The following MYO7B variants were observed in gnomAD, a reference collection of about 807,000 sequenced individuals.
MYO7B encodes unconventional myosin-VIIb.
In MYO7B, 212 loss-of-function variants were observed where a neutral mutation model predicts 259.7. That is an observed-to-expected ratio of 0.82 (90% confidence interval 0.73 to 0.91). MYO7B has a LOEUF of 0.91. Ranked by LOEUF, MYO7B falls within the 40% of genes least tolerant of loss-of-function variation. The probability of loss-of-function intolerance (pLI) is 0.00; values close to 1 mark genes in which losing one functional copy is unlikely to be tolerated. For synonymous variants in MYO7B, 1,197 were observed against 1,166.4 expected (o/e 1.03, Z -0.54); for missense variants, 2,732 against 2,813.5 (o/e 0.97, Z 0.66).
intron 20 of MYO7B, among the ~76,000 whole-genome samples, chr2:127,606,580 T>G (rs1276458201): frequency 6.6e-6 from 1 of 152,158 alleles, no homozygotes; most frequent in East Asian, 1.9e-4. Flanking sequence ...AACTGAGACA[T>G]AGAGGGGTTG....
intron 1 of MYO7B, among the ~76,000 whole-genome samples, chr2:127,540,548 C>G (rs964958318): frequency 6.6e-6 from 1 of 152,220 alleles, no homozygotes; most frequent in African/African-American, 2.4e-5. Context: ...AATATCCCTA[C>G]TGTTTTCCAT....
chr2:127,601,643 T>C (rs779471301), intron 19 of MYO7B, among the ~76,000 whole-genome samples: 5 of 152,328 alleles, frequency 3.3e-5, no homozygotes, highest in Non-Finnish European at 7.3e-5. Context: ...ACTATTTACA[T>C]GATCTATATT....
rs201458881 is a variant in MYO7B at position 127,608,713 on chromosome 2, G to T, written c.2649G>T (p.Pro883=). ...TTCCTCCACGGGGTATGCAGGCGCC[G>T]CTGGTCATCCCGGCCGAGGGGCAGA... ...RNFQQRKANA[P]LVIPAEGQKS... The change falls in exon 22 of 48, where the codon CCG becomes CCT. Residue 883 remains proline (P), a synonymous_variant. Transcript: ENST00000409816. The T allele has an allele frequency of 4.3e-6, 7 of 1,610,910 alleles. No individual in the cohort carries two copies. In the African/African-American group the frequency reaches 9.3e-5, roughly 22 times the overall value.
intron 1 of MYO7B, among the ~76,000 whole-genome samples, chr2:127,537,020 CA>C (rs1692808374): frequency 6.6e-6 from 1 of 152,148 alleles, no homozygotes; most frequent in African/African-American, 2.4e-5. Flanking sequence ...TGTCAAAAGA[CA>C]AAATTATAAA....
chr2:127,617,092 A>C (rs1680598721), intron 26 of MYO7B, among the ~76,000 whole-genome samples: 2 of 152,228 alleles, frequency 1.3e-5, no homozygotes, highest in Non-Finnish European at 2.9e-5. Context: ...ATTGCAGAGC[A>C]ATGAAGCTCA....
intron 17 of MYO7B, 119 bp downstream of exon 17, chr2:127,593,065 G>C (rs949290592): frequency 1.5e-6 from 2 of 1,301,636 alleles, no homozygotes; most frequent in Non-Finnish European, 2.1e-6. Context: ...CCAGCCTTGC[G>C]ATGAGCCCTG....
rs1234828444 is a variant in MYO7B at position 127,577,760 on chromosome 2, C to T, written c.850-373C>T. ...CATGGCACGGTCACTGGCTCCCTGCCTGCCCCCCTGGATGCGCAGCACAGG... is the reference window on the plus strand; with the variant it reads ...CATGGCACGGTCACTGGCTCCCTGCTTGCCCCCCTGGATGCGCAGCACAGG... On this transcript the variant is annotated intron_variant, in intron 8 of 47. Coordinates refer to ENST00000409816, the MANE Select transcript of MYO7B (RefSeq NM_001393586.1). This position sits in a 1 kb window ranked among gnomAD's most constrained non-coding sequence, Gnocchi z 5.2. 6.6e-6 allele frequency among the ~76,000 whole-genome samples: 1 copy of T among 152,268 alleles called. No homozygotes were observed. Among genetic ancestry groups the T allele is most frequent in the Admixed American group, 6.5e-5 (1 of 15,288 alleles).
rs772789497 is a variant in MYO7B, at chr2:127,635,730, C to G, written c.5829C>G (p.Pro1943=). 1 of 1,601,814 alleles carries G rather than the reference C, an allele frequency of 6.2e-7. No individual in the cohort carries two copies. Residue 1943 remains proline (P), a synonymous_variant, in exon 44 of 48, where the codon CCC becomes CCG. Coordinates refer to ENST00000409816, the MANE Select transcript of MYO7B (RefSeq NM_001393586.1). ...GTGTGTCCATCACCCAGGAGCTGCCCAAGTACCTGCGCGGATTCCACAAGT... is the reference window on the plus strand; with the variant it reads ...GTGTGTCCATCACCCAGGAGCTGCCGAAGTACCTGCGCGGATTCCACAAGT... ...DTILHYHQEL[P]KYLRGFHKCS...
At chr2:127,593,321 G>A (rs1679640176) in intron 17 of MYO7B, among the ~76,000 whole-genome samples, 1 of 152,208 alleles carries the variant, frequency 6.6e-6, no homozygotes, top group South Asian at 2.1e-4. Flanking sequence ...CTGAGGCTGG[G>A]CCTGGCCTGG....
At chr2:127,588,264 C>T (rs539769310) in intron 14 of MYO7B, 128 bp from the exon 15 acceptor site, 21 of 1,060,058 alleles carry the variant, frequency 2.0e-5, no homozygotes, top group Admixed American at 4.6e-5. Context: ...AGAGCATGGC[C>T]GTAGTGGGGC....
rs899965517 is a variant in MYO7B at position 127,628,898 on chromosome 2, C to T, written c.4624+363C>T. ...GCACCCCATTATCCCATTTTACAGACGTGAGGCCAGAGGCCCAGAGATGGA... is the reference window on the plus strand; with the variant it reads ...GCACCCCATTATCCCATTTTACAGATGTGAGGCCAGAGGCCCAGAGATGGA... On this transcript the variant is annotated intron_variant, in intron 34 of 47. Coordinates refer to ENST00000409816, the MANE Select transcript of MYO7B (RefSeq NM_001393586.1). The surrounding 1 kb of genome is among the most constrained non-coding windows in gnomAD (Gnocchi z 4.8). 2.6e-5 allele frequency among the ~76,000 whole-genome samples: 4 copies of T among 152,226 alleles called. No homozygotes were observed. The highest frequency in any genetic ancestry group is 3.8e-4 in the East Asian group (2 of 5,198).
At chr2:127,631,105 G>A (rs545111192) in intron 36 of MYO7B, 101 bp from the exon 37 acceptor site, 2 of 1,442,982 alleles carry the variant, frequency 1.4e-6, no homozygotes, top group Non-Finnish European at 1.8e-6. Flanking sequence ...AGGGTGGGGT[G>A]CTCTGGCCCT....
At chr2:127,554,814 G>A (rs1318275456) in intron 1 of MYO7B, among the ~76,000 whole-genome samples, 1 of 152,096 alleles carries the variant, frequency 6.6e-6, no homozygotes, top group Non-Finnish European at 1.5e-5. Flanking sequence ...AATTAGGAGG[G>A]TGTATTTTTC....
chr2:127,633,591 A>T (rs932934229), intron 40 of MYO7B, among the ~76,000 whole-genome samples: 9 of 152,194 alleles, frequency 5.9e-5, no homozygotes, highest in Non-Finnish European at 1.3e-4. Flanking sequence ...ATCCAGGCCC[A>T]GGACACAGGA....
chr2:127,630,963 A>C (rs1221165818), intron 36 of MYO7B, 55 bp downstream of exon 36: 9 of 1,440,446 alleles, frequency 6.2e-6, no homozygotes, highest in Non-Finnish European at 6.5e-6. Flanking sequence ...GCCCCACCTC[A>C]CCTCATTGCA....
At chr2:127,591,951 G>C (rs1428847735) in intron 16 of MYO7B, among the ~76,000 whole-genome samples, 1 of 152,266 alleles carries the variant, frequency 6.6e-6, no homozygotes, top group Non-Finnish European at 1.5e-5. Flanking sequence ...CATCTCCAGG[G>C]AGGGAGAGAC....
intron 15 of MYO7B, among the ~76,000 whole-genome samples, chr2:127,589,194 A>G (rs1395418565): frequency 1.4e-4 from 14 of 98,476 alleles, no homozygotes; most frequent in Admixed American, 2.0e-4. Flanking sequence ...TGGATGGGTG[A>G]ATGGATGGGT....
chr2:127,629,969 A>G, intron 35 of MYO7B, 143 bp downstream of exon 35: 1 of 848,626 alleles, frequency 1.2e-6, no homozygotes, highest in Non-Finnish European at 1.6e-6. Flanking sequence ...AGCCCCCACC[A>G]TTCCTGCGGC....
chr2:127,574,027 C>A lies in MYO7B; in HGVS notation c.700C>A (p.Gln234Lys). 3.1e-6 allele frequency: 5 copies of A among 1,614,038 alleles called. No homozygotes were observed. Among genetic ancestry groups the A allele is most frequent in the Non-Finnish European group, 4.2e-6 (5 of 1,179,900 alleles). ...GGTGATCGAGGGCGCGCGCATCGAGCAATTTCTCCTGGAGAAGTCCCGGGT... is the reference window on the plus strand; with the variant it reads ...GGTGATCGAGGGCGCGCGCATCGAGAAATTTCTCCTGGAGAAGTCCCGGGT... ...SGVIEGARIE[Q>K]FLLEKSRVCR... is the part of the protein sequence containing the mutation. Residue 234 changes from glutamine to lysine, a missense_variant, in exon 7 of 48, where the codon CAA (glutamine) becomes AAA (lysine). This residue lies in a region of MYO7B where 1,906 missense variants were observed against 2,026.4 expected (regional missense o/e 0.94). Coordinates refer to ENST00000409816, the MANE Select transcript of MYO7B (RefSeq NM_001393586.1).
Sources: allele counts gnomAD v4.1 joint callset (sites outside exome capture counted in the v4.1 genomes callset), GRCh38; gene constraint gnomAD v4.1.1; regional missense constraint gnomAD v4.1.1; non-coding constraint Gnocchi (gnomAD v3.1); transcripts MANE v1.5; gene names NCBI Gene and HGNC (gene_info 2026-07-23, HGNC 2026-07-21).